KIAA0825: variants seen among roughly 807,000 people sequenced by gnomAD.
KIAA0825 encodes the protein uncharacterized protein KIAA0825.
A neutral mutation model predicts 147.6 loss-of-function variants in KIAA0825; 119 were observed. The ratio of observed to expected loss-of-function variants is 0.81; its 90% CI spans 0.69 to 0.94. The LOEUF is 0.94. Among genes scored for constraint, KIAA0825 ranks in the 40% least tolerant of loss-of-function variants. The pLI, the probability that KIAA0825 is intolerant of heterozygous loss-of-function variation, is 0.00. For synonymous variants in KIAA0825, 470 were observed against 518.1 expected, an observed-to-expected ratio of 0.91 and a Z score of 1.26; for missense variants, 1,381 against 1,472.7, an observed-to-expected ratio of 0.94 and a Z score of 1.02.
At chr5:94,245,195 A>G (rs922476607) in intron 20 of KIAA0825, among the ~76,000 whole-genome samples, 14 of 152,200 alleles carry the variant, frequency 9.2e-5, no homozygotes, top group South Asian at 6.2e-4. Context: ...CAATATTTGA[A>G]TTCTAGATAT....
intron 20 of KIAA0825, among the ~76,000 whole-genome samples, chr5:94,368,646 C>T (rs377310145): frequency 2.0e-4 from 30 of 152,076 alleles, no homozygotes; most frequent in Admixed American, 5.2e-4. Flanking sequence ...CAAAAAGAAA[C>T]GGGTGTGAGA....
intron 20 of KIAA0825, among the ~76,000 whole-genome samples, chr5:94,211,840 C>T (rs550044306): frequency 6.0e-4 from 92 of 152,270 alleles, no homozygotes; most frequent in African/African-American, 2.1e-3. Context: ...TCTTACAGAG[C>T]ATATCCCTAA....
At chr5:94,365,946 G>A (rs999928402) in intron 20 of KIAA0825, among the ~76,000 whole-genome samples, 4 of 152,016 alleles carry the variant, frequency 2.6e-5, no homozygotes, top group African/African-American at 7.3e-5. Context: ...CAGACTCCGC[G>A]CTCAATAAAT....
At chr5:94,215,862 C>T (rs925626290) in intron 20 of KIAA0825, among the ~76,000 whole-genome samples, 2 of 152,112 alleles carry the variant, frequency 1.3e-5, no homozygotes, top group African/African-American at 4.8e-5. Context: ...ATCTCGTAAA[C>T]CCCTAAGCAT....
At chr5:94,359,492 C>T (rs1286527119) in intron 20 of KIAA0825, among the ~76,000 whole-genome samples, 2 of 152,134 alleles carry the variant, frequency 1.3e-5, no homozygotes, top group Non-Finnish European at 2.9e-5. Flanking sequence ...TGCAGTGGCT[C>T]ACGCCTGTAA....
chr5:94,526,291 G>T (rs1298006288), intron 3 of KIAA0825, among the ~76,000 whole-genome samples: 1 of 151,952 alleles, frequency 6.6e-6, no homozygotes, highest in Non-Finnish European at 1.5e-5. Flanking sequence ...GGTAGTAAAA[G>T]TGTAAGGAAA....
At chr5:94,557,039 A>C (rs956483837) in intron 2 of KIAA0825, among the ~76,000 whole-genome samples, 1 of 152,114 alleles carries the variant, frequency 6.6e-6, no homozygotes, top group African/African-American at 2.4e-5. Flanking sequence ...CACACCATTT[A>C]TCTGTTTACC....
At chr5:94,355,339 G>A (rs539092220) in intron 20 of KIAA0825, among the ~76,000 whole-genome samples, 12 of 152,174 alleles carry the variant, frequency 7.9e-5, no homozygotes, top group Non-Finnish European at 1.8e-4. Flanking sequence ...CCCCCACAAA[G>A]GACGGCTTTG....
chr5:94,318,283 C>T (rs1036287742), intron 20 of KIAA0825, among the ~76,000 whole-genome samples: 2 of 151,598 alleles, frequency 1.3e-5, no homozygotes, highest in Non-Finnish European at 2.9e-5. Flanking sequence ...TATATGTATG[C>T]ACATTATATG....
intron 2 of KIAA0825, among the ~76,000 whole-genome samples, chr5:94,550,796 C>T (rs1231690601): frequency 4.0e-5 from 6 of 150,324 alleles, no homozygotes; most frequent in South Asian, 4.2e-4. Context: ...GAGCCCAGAT[C>T]GCACCACTGC....
rs149476490 is a variant in KIAA0825, at chr5:94,287,896, G to A, written c.3710+96472C>T. Among the ~76,000 whole-genome samples the A allele has an allele frequency of 9.2e-5, 14 of 152,164 alleles. No homozygotes were observed. In the East Asian group the frequency reaches 2.1e-3, roughly 23 times the overall value. On this transcript the variant is annotated intron_variant, in intron 20 of 20. Coordinates refer to ENST00000682413, the MANE Select transcript of KIAA0825 (RefSeq NM_001145678.3). ...CAGGGCTACTACCTGGGAATCCATCGGACATCCTTGAGGTGTTCTTGCTCT... is the reference window on the plus strand; with the variant it reads ...CAGGGCTACTACCTGGGAATCCATCAGACATCCTTGAGGTGTTCTTGCTCT...
intron 1 of KIAA0825, chr5:94,617,853 A>G (rs1790982099): frequency 6.6e-6 from 1 of 152,262 alleles, no homozygotes; most frequent in Non-Finnish European, 1.5e-5. Flanking sequence ...AGCCTGGAGC[A>G]GAACGCAAGC....
At chr5:94,440,403 C>A (rs923334885) in intron 13 of KIAA0825, among the ~76,000 whole-genome samples, 1 of 152,084 alleles carries the variant, frequency 6.6e-6, no homozygotes, top group Non-Finnish European at 1.5e-5. Context: ...TTTTGTTTCA[C>A]GGAGAGAAGA....
chr5:94,335,248 AAAACT>A (rs1159965051), intron 20 of KIAA0825, among the ~76,000 whole-genome samples: 22 of 152,320 alleles, frequency 1.4e-4, no homozygotes, highest in African/African-American at 4.8e-4. Flanking sequence ...AAATTGCAGT[AAAACT>A]AGAAATTAAG....
chr5:94,282,146 A>C (rs1010835002), intron 20 of KIAA0825, among the ~76,000 whole-genome samples: 11 of 152,220 alleles, frequency 7.2e-5, no homozygotes, highest in African/African-American at 2.6e-4. Context: ...TTTTAGAATC[A>C]GAGTTTTTTT....
chr5:94,192,936 C>T (rs978896210), intron 20 of KIAA0825, among the ~76,000 whole-genome samples: 3 of 152,218 alleles, frequency 2.0e-5, no homozygotes, highest in African/African-American at 4.8e-5. Flanking sequence ...TCCCTTCTCA[C>T]TTCCTCTCCC....
intron 10 of KIAA0825, 38 bp from the exon 11 acceptor site, chr5:94,465,097 T>G: frequency 6.6e-7 from 1 of 1,521,222 alleles, no homozygotes; most frequent in Non-Finnish European, 8.9e-7. Flanking sequence ...TAGAGTTACA[T>G]CTTCTAAAAT....
Position 94,396,354 on chromosome 5 carries a change from C to G in KIAA0825, c.3043G>C (p.Val1015Leu), listed in dbSNP as rs1201399461. Reference sequence around the variant, plus strand: ...CATATAATTACAATCAAGTTCCAGACAAGCAGGCCAGCTTTCTTCAATTCA... The same window carrying G: ...CATATAATTACAATCAAGTTCCAGAGAAGCAGGCCAGCTTTCTTCAATTCA... The part of the protein sequence containing the change: ...FVELKKAGLL[V>L]WNLIVIICRI... Residue 1015 changes from valine to leucine, a missense_variant, in exon 17 of 21, where the codon GTC becomes CTC. Val to Leu is a conservative substitution (Grantham distance 32). Transcript: ENST00000682413. 2.6e-6 allele frequency: 4 copies of G among 1,550,818 alleles called. No individual in the cohort carries two copies. The East Asian group carries it at 7.3e-5, about 28-fold the overall frequency.
intron 10 of KIAA0825, 70 bp from the exon 11 acceptor site, chr5:94,465,129 G>A (rs1042812340): frequency 1.2e-5 from 17 of 1,400,896 alleles, no homozygotes; most frequent in African/African-American, 8.6e-5. Flanking sequence ...TCCTATGAAC[G>A]TAATTAGTTC....
Sources: allele counts gnomAD v4.1 joint callset (sites outside exome capture counted in the v4.1 genomes callset), GRCh38; gene constraint gnomAD v4.1.1; transcripts MANE v1.5; gene names NCBI Gene and HGNC (gene_info 2026-07-23, HGNC 2026-07-21).